Variants in PASK observed in about 807,000 individuals in gnomAD.
The protein encoded by PASK is PAS domain-containing serine/threonine-protein kinase.
In PASK, 110 loss-of-function variants were observed where a neutral mutation model predicts 121.0. The observed-to-expected ratio is 0.91, with a 90% confidence interval of 0.78 to 1.06. PASK has a LOEUF of 1.06. Among genes scored for constraint, PASK ranks in the 50% least tolerant of loss-of-function variants. PASK has a pLI of 0.00. For synonymous variants in PASK, 686 were observed against 717.8 expected, an observed-to-expected ratio of 0.96 and a Z score of 0.71; for missense variants, 1,643 against 1,702.3, an observed-to-expected ratio of 0.97 and a Z score of 0.61.
At chr2:241,120,083 G>C (rs1012792336) in intron 12 of PASK, among the ~76,000 whole-genome samples, 1 of 151,978 alleles carries the variant, frequency 6.6e-6, no homozygotes, top group Non-Finnish European at 1.5e-5. Context: ...AAAGTGAAAA[G>C]ACAACACATT....
intron 12 of PASK, among the ~76,000 whole-genome samples, chr2:241,116,934 G>A (rs1559363379): frequency 6.6e-6 from 1 of 152,352 alleles, no homozygotes; most frequent in Non-Finnish European, 1.5e-5. Flanking sequence ...CCGCGGGGGT[G>A]CAGCCCCTGC....
chr2:241,150,120 C>A, upstream of PASK: 1 of 1,262,196 alleles, frequency 7.9e-7, no homozygotes, highest in Non-Finnish European at 1.0e-6. Context: ...GGCCCCTCCA[C>A]GCCTCCGAGG....
At position 241,112,109 on chromosome 2, in the gene PASK, A is replaced by C; in HGVS notation, c.3533+131T>G. The stretch of plus-strand genomic sequence containing the variant: ...CCTGCCTGCCCACTTACTTTCCAGC[A>C]TATCACCCTGACCACTCAACACTCA... On this transcript the variant is annotated intron_variant, in intron 15 of 17. Coordinates refer to ENST00000234040, the MANE Select transcript of PASK (RefSeq NM_015148.4). The surrounding 1 kb of genome is among the most constrained non-coding windows in gnomAD (Gnocchi z 5.2). The C allele has an allele frequency of 1.3e-6, 1 of 761,008 alleles. No individual in the cohort carries two copies. The highest frequency in any genetic ancestry group is 2.3e-6 in the Non-Finnish European group (1 of 429,316). 47.1% of individuals were successfully genotyped at this position (761,008 alleles called of 1,614,324 possible).
chr2:241,117,255 C>T (rs188543739), intron 12 of PASK, among the ~76,000 whole-genome samples: 2 of 152,332 alleles, frequency 1.3e-5, no homozygotes, highest in East Asian at 3.9e-4. Context: ...TCTGAAGACC[C>T]TTTGACGGGA....
intron 10 of PASK, among the ~76,000 whole-genome samples, chr2:241,124,933 G>A (rs903537104): frequency 1.3e-5 from 2 of 152,142 alleles, no homozygotes; most frequent in African/African-American, 2.4e-5. Context: ...TTGGGAGGCC[G>A]AGGCGGGCGG....
At chr2:241,143,505 C>G (rs561018377) in intron 1 of PASK, among the ~76,000 whole-genome samples, 145 of 148,694 alleles carry the variant, frequency 9.8e-4, no homozygotes, top group African/African-American at 3.5e-3. Context: ...GAGCCGAGAT[C>G]ACACCACTGC....
At chr2:241,147,551 G>A (rs2067009985) in intron 1 of PASK, among the ~76,000 whole-genome samples, 1 of 152,162 alleles carries the variant, frequency 6.6e-6, no homozygotes, top group Non-Finnish European at 1.5e-5. Flanking sequence ...AGCCCAGGAG[G>A]CGGAGGCTGC....
chr2:241,133,515 C>T (rs151185011), intron 8 of PASK: 139 of 226,758 alleles, frequency 6.1e-4, no homozygotes, highest in African/African-American at 2.8e-3. Flanking sequence ...ACTGCATGCC[C>T]TCTTCCCCTC....
intron 12 of PASK, 120 bp downstream of exon 12, chr2:241,122,612 T>C (rs1212661453): frequency 1.1e-6 from 1 of 915,422 alleles, no homozygotes; most frequent in Non-Finnish European, 1.8e-6. Flanking sequence ...TGCCAGGTTG[T>C]GTGCTTGGTG....
chr2:241,114,904 C>T (rs538088338), intron 14 of PASK, 139 bp downstream of exon 14: 1 of 1,561,250 alleles, frequency 6.4e-7, no homozygotes, highest in Non-Finnish European at 8.7e-7. Flanking sequence ...AAATATATAT[C>T]CTACTCCATG....
chr2:241,142,663 G>A (rs991398513), intron 2 of PASK, among the ~76,000 whole-genome samples, 174 bp downstream of exon 2: 1 of 152,218 alleles, frequency 6.6e-6, no homozygotes, highest in Non-Finnish European at 1.5e-5. Context: ...AAAGCAGCAG[G>A]AAGGGTCCTG....
chr2:241,136,950 A>G (rs2066462279), intron 7 of PASK, 54 bp downstream of exon 7: 2 of 1,563,406 alleles, frequency 1.3e-6, no homozygotes, highest in South Asian at 2.2e-5. Flanking sequence ...CGCACTGCAG[A>G]GCACAGCAGC....
At chr2:241,113,884 T>C (rs916746630) in intron 14 of PASK, 3 of 985,068 alleles carry the variant, frequency 3.0e-6, no homozygotes, top group Non-Finnish European at 3.6e-6. Flanking sequence ...GCATGATTCC[T>C]ACATACATTG....
chr2:241,142,892 G>T lies in PASK; in HGVS notation c.141C>A (p.His47Gln). 2 of 1,614,134 alleles carry T rather than the reference G, an allele frequency of 1.2e-6. No homozygotes were observed. The highest frequency in any genetic ancestry group is 1.7e-6 in the Non-Finnish European group (2 of 1,180,004). Reference protein sequence around the residue: ...PSRSFSSAHRHLSRRNGLSRL... With the variant: ...PSRSFSSAHRQLSRRNGLSRL... ...TGGAAAGCCCATTCCTTCTGCTCAG[G>T]TGTCTGTGGGCTGAGGAAAACGACC... is the stretch of plus-strand genomic sequence containing the variant. Residue 47 changes from histidine (H) to glutamine (Q), a missense_variant, in exon 2 of 18, where the codon CAC (histidine) becomes CAA (glutamine). Around this residue, in one of 3 missense-constraint regions of PASK, gnomAD observed 1,176 missense variants for 1,162.2 expected, o/e 1.01. Coordinates refer to ENST00000234040, the MANE Select transcript of PASK (RefSeq NM_015148.4).
At position 241,127,979 on chromosome 2, in the gene PASK, AAGGGGCC is replaced by A. The variant is rs578054497; in HGVS notation, c.1464-535_1464-529del. ...TGGCTCTCAGATGGGGCCCACACAG[AAGGGGCC>A]AGGGGCCAGGGGGCCGGGCGTGGTG... is the stretch of plus-strand genomic sequence containing the variant. On this transcript the variant is annotated intron_variant, in intron 9 of 17. Transcript: ENST00000234040. Among the ~76,000 whole-genome samples the A allele has an allele frequency of 3.2e-4, 49 of 152,222 alleles. 1 individual carries two copies. Among genetic ancestry groups the A allele is most frequent in the Non-Finnish European group, 1.2e-4 (8 of 68,046 alleles).
At chr2:241,132,788 G>A (rs2066226350) in intron 9 of PASK, 86 bp downstream of exon 9, 2 of 1,126,602 alleles carry the variant, frequency 1.8e-6, no homozygotes, top group Non-Finnish European at 2.7e-6. Context: ...ATAATAGGCT[G>A]AACATTTCTC....
At chr2:241,130,979 A>G (rs2066099533) in intron 9 of PASK, among the ~76,000 whole-genome samples, 1 of 152,208 alleles carries the variant, frequency 6.6e-6, no homozygotes, top group Non-Finnish European at 1.5e-5. Context: ...AGTATAATAT[A>G]CAACTATAGT....
rs995270995 is a variant in PASK, at chr2:241,138,906, T to C, written c.601-112A>G. 5.2e-6 allele frequency: 5 copies of C among 969,288 alleles called. No homozygotes were observed. In the East Asian group the frequency reaches 9.6e-5, roughly 19 times the overall value. The allele number at this position is 969,288 out of a possible 1,614,324, so 60.0% of individuals were successfully genotyped here. A position where few individuals can be genotyped will look rare whatever the true frequency, so the allele number is the denominator to read the frequency against. On this transcript the variant is annotated intron_variant, in intron 4 of 17. Transcript: ENST00000234040. ...TCCAGGCACTGCAACGTTTTCAACT[T>C]CTGCTTACCTGATTTTCATTTCAGA...
upstream of PASK, chr2:241,149,862 G>A: frequency 6.9e-7 from 1 of 1,459,254 alleles, no homozygotes. Flanking sequence ...CCCAGCTGGC[G>A]CCCCGGAGCC....
Sources: gnomAD v4.1 joint callset for allele counts (sites outside exome capture counted in the v4.1 genomes callset) on GRCh38, gnomAD v4.1.1 for gene constraint, gnomAD v4.1.1 regional missense constraint, Gnocchi (gnomAD v3.1) non-coding constraint, MANE v1.5 for transcripts, NCBI Gene and HGNC (gene_info 2026-07-23, HGNC 2026-07-21) for gene names.